Variants in ADAM12 observed in about 807,000 individuals in gnomAD.
ADAM12 encodes the protein ADAM metallopeptidase domain 12.
In ADAM12, 70 loss-of-function variants were observed where a neutral mutation model predicts 106.4. The ratio of observed to expected loss-of-function variants is 0.66; its 90% CI spans 0.54 to 0.80. The LOEUF (loss-of-function observed/expected upper bound fraction) is 0.80. Ranked by LOEUF, ADAM12 falls within the 30% of genes least tolerant of loss-of-function variation. ADAM12 has a pLI of 0.00. For synonymous variants in ADAM12, 420 were observed against 433.5 expected (o/e 0.97, Z 0.39); for missense variants, 1,010 against 1,171.9 (o/e 0.86, Z 2.02).
At chr10:126,196,905 G>A (rs1454226925) in intron 3 of ADAM12, among the ~76,000 whole-genome samples, 1 of 152,166 alleles carries the variant, frequency 6.6e-6, no homozygotes, top group Non-Finnish European at 1.5e-5. Context: ...GGGAAAATCA[G>A]GGAATGTCGT....
At chr10:126,142,720 C>G (rs116435894) in intron 4 of ADAM12, among the ~76,000 whole-genome samples, 2,419 of 152,254 alleles carry the variant, frequency 0.016, 69 homozygotes, top group African/African-American at 0.055. Context: ...TCCTGGGTAC[C>G]GCAGAGCCTC....
chr10:126,091,104 A>G (rs1256234104), intron 11 of ADAM12: 1 of 152,168 alleles, frequency 6.6e-6, no homozygotes, highest in Non-Finnish European at 1.5e-5. Flanking sequence ...AGTGACTGCT[A>G]AGGGCACTGG....
At chr10:126,171,490 T>C (rs1445295100) in intron 3 of ADAM12, among the ~76,000 whole-genome samples, 2 of 152,208 alleles carry the variant, frequency 1.3e-5, no homozygotes, top group East Asian at 1.9e-4. Context: ...ACGTATTACT[T>C]ACTTGGATTG....
At position 126,101,059 on chromosome 10, in the gene ADAM12, C is replaced by G. The variant is rs537215278; in HGVS notation, c.911+13G>C. On this transcript the variant is annotated intron_variant, in intron 9 of 22. Coordinates refer to ENST00000448723, the MANE Select transcript of ADAM12 (RefSeq NM_001288973.2). ...TCCTTTTTTTTTTAAGCAGACAAGA[C>G]GTAACTCCCTACCTGACAAGCTGCG... 2 of 1,612,542 alleles carry G rather than the reference C, an allele frequency of 1.2e-6. No homozygotes were observed. Among genetic ancestry groups the G allele is most frequent in the South Asian group, 2.2e-5 (2 of 90,866 alleles).
intron 3 of ADAM12, among the ~76,000 whole-genome samples, chr10:126,162,989 A>C (rs1483085240): frequency 2.0e-5 from 3 of 152,100 alleles, no homozygotes; most frequent in African/African-American, 7.2e-5. Context: ...GATCTGGTCA[A>C]TTAAAAGCAT....
chr10:126,340,088 C>G (rs756160585), intron 1 of ADAM12, among the ~76,000 whole-genome samples: 1 of 152,176 alleles, frequency 6.6e-6, no homozygotes, highest in East Asian at 1.9e-4. Context: ...CTCTTGACCT[C>G]GTGATCCACC....
intron 4 of ADAM12, among the ~76,000 whole-genome samples, chr10:126,154,778 C>T (rs780536000): frequency 2.0e-5 from 3 of 152,130 alleles, no homozygotes; most frequent in Non-Finnish European, 2.9e-5. Context: ...TACAGTAACA[C>T]CCACGATATA....
intron 1 of ADAM12, among the ~76,000 whole-genome samples, chr10:126,364,905 T>C (rs2133909677): frequency 6.6e-6 from 1 of 152,236 alleles, no homozygotes; most frequent in East Asian, 1.9e-4. Context: ...CGGGCCTCCC[T>C]CCCTTCCCCT....
intron 21 of ADAM12, among the ~76,000 whole-genome samples, chr10:126,032,287 T>G (rs577978853): frequency 2.0e-5 from 3 of 152,286 alleles, no homozygotes; most frequent in East Asian, 1.9e-4. Context: ...AAGAGTCACC[T>G]CCAAATATTC....
rs1218671912 is a variant in ADAM12, at chr10:126,016,296, C to G, written c.*983G>C. 5 of 152,122 alleles carry G rather than the reference C, an allele frequency of 3.3e-5. No individual in the cohort carries two copies. Among genetic ancestry groups the G allele is most frequent in the African/African-American group, 9.7e-5 (4 of 41,428 alleles). 9.4% of individuals were successfully genotyped at this position (152,122 alleles called of 1,614,324 possible). The stretch of plus-strand genomic sequence containing the variant: ...TTGACTAGATCTGGTTAATGGTTCA[C>G]ATCTGAAAATAGTTGTGGTCCCATG... On this transcript the variant is annotated 3_prime_UTR_variant, in exon 23 of 23. Transcript: ENST00000448723.
At chr10:126,033,644 C>T (rs1453355728) in intron 21 of ADAM12, among the ~76,000 whole-genome samples, 7 of 152,288 alleles carry the variant, frequency 4.6e-5, no homozygotes, top group African/African-American at 1.7e-4. Flanking sequence ...TGAAAAAAGC[C>T]ATGCCTCCCT....
chr10:126,194,156 C>T (rs1957555480), intron 3 of ADAM12, among the ~76,000 whole-genome samples: 1 of 151,492 alleles, frequency 6.6e-6, no homozygotes, highest in Non-Finnish European at 1.5e-5. Flanking sequence ...ACTTTAAATA[C>T]AGCGTGTTAT....
intron 3 of ADAM12, among the ~76,000 whole-genome samples, chr10:126,225,012 G>A (rs543529083): frequency 1.3e-5 from 2 of 152,368 alleles, no homozygotes; most frequent in Non-Finnish European, 2.9e-5. Context: ...TCTGAGTCAG[G>A]TTTGGGAGTG....
chr10:126,111,295 T>C (rs1191427045), intron 6 of ADAM12, among the ~76,000 whole-genome samples: 1 of 152,212 alleles, frequency 6.6e-6, no homozygotes, highest in African/African-American at 2.4e-5. Context: ...GTTGTAGGCA[T>C]GCTTTATGGT....
intron 4 of ADAM12, among the ~76,000 whole-genome samples, chr10:126,140,659 G>A (rs1247989189): frequency 1.3e-5 from 2 of 152,184 alleles, no homozygotes; most frequent in African/African-American, 2.4e-5. Flanking sequence ...CCATAATTAT[G>A]AGAACTCCAA....
chr10:126,106,611 G>A (rs772311718), intron 8 of ADAM12, among the ~76,000 whole-genome samples: 1 of 150,780 alleles, frequency 6.6e-6, no homozygotes, highest in Non-Finnish European at 1.5e-5. Context: ...TCAGCCTCCC[G>A]AGTAGCTGGG....
chr10:126,041,482 C>T, intron 18 of ADAM12: 1 of 985,504 alleles, frequency 1.0e-6, no homozygotes, highest in African/African-American at 1.7e-5. Flanking sequence ...TTTCTGCAAA[C>T]CCTCAAACCT....
chr10:126,186,286 A>T (rs1957398270), intron 3 of ADAM12, among the ~76,000 whole-genome samples: 1 of 152,184 alleles, frequency 6.6e-6, no homozygotes, highest in Non-Finnish European at 1.5e-5. Flanking sequence ...CTTTGAGAGG[A>T]CCATTTAGCC....
At chr10:126,155,577 A>T (rs1425833229) in intron 3 of ADAM12, among the ~76,000 whole-genome samples, 3 of 152,058 alleles carry the variant, frequency 2.0e-5, no homozygotes, top group Non-Finnish European at 4.4e-5. Flanking sequence ...CTCCCACCTC[A>T]TTCCTTCATG....
Sources: allele counts gnomAD v4.1 joint callset (sites outside exome capture counted in the v4.1 genomes callset), GRCh38; gene constraint gnomAD v4.1.1; transcripts MANE v1.5; gene names NCBI Gene and HGNC (gene_info 2026-07-23, HGNC 2026-07-21).